The following SOX5 variants were observed in gnomAD, a reference collection of about 807,000 sequenced individuals.
The protein encoded by SOX5 is transcription factor SOX-5.
Under a neutral mutation model 92.0 loss-of-function variants are expected in SOX5, and 9 were observed. The ratio of observed to expected loss-of-function variants is 0.10; its 90% CI spans 0.06 to 0.17. SOX5 has a LOEUF of 0.17. SOX5 is among the 10% of genes least tolerant of loss of function. The pLI is 1.00. For missense variants in SOX5, 642 were observed against 944.5 expected (o/e 0.68, Z 4.20); for synonymous variants, 344 against 336.3 (o/e 1.02, Z -0.25).
chr12:24,318,534 A>AAGCC, intron 2 of SOX5, among the ~76,000 whole-genome samples: 1 of 152,156 alleles, frequency 6.6e-6, no homozygotes, highest in Non-Finnish European at 1.5e-5. Context: ...ACATGCTTTT[A>AAGCC]TCTTGTTTAA....
At chr12:24,417,704 G>A (rs1264342820) in intron 1 of SOX5, among the ~76,000 whole-genome samples, 1 of 152,196 alleles carries the variant, frequency 6.6e-6, no homozygotes, top group Non-Finnish European at 1.5e-5. Flanking sequence ...ATTGAGCTGG[G>A]TTTTTAGGAG....
chr12:23,883,494 C>T (rs193259765), intron 2 of SOX5, among the ~76,000 whole-genome samples: 70 of 152,264 alleles, frequency 4.6e-4, no homozygotes, highest in African/African-American at 1.6e-3. Flanking sequence ...ATTCAGTGCT[C>T]GCTATGTGCC....
chr12:24,285,550 C>T (rs140112397), intron 2 of SOX5, among the ~76,000 whole-genome samples: 5 of 152,334 alleles, frequency 3.3e-5, no homozygotes, highest in Admixed American at 6.5e-5. Flanking sequence ...GGAAATTCTA[C>T]ATCAGTGCCT....
chr12:24,141,882 G>A (rs1048539651), intron 4 of SOX5, among the ~76,000 whole-genome samples: 2 of 152,056 alleles, frequency 1.3e-5, no homozygotes, highest in Admixed American at 6.6e-5. Flanking sequence ...TGAATTAATC[G>A]CTGGCTGAAT....
At chr12:24,015,712 C>T (rs1953514609) in intron 4 of SOX5, among the ~76,000 whole-genome samples, 1 of 152,128 alleles carries the variant, frequency 6.6e-6, no homozygotes, top group South Asian at 2.1e-4. Context: ...AGCATTATTA[C>T]TGTTCTTAAT....
At chr12:23,842,089 G>A (rs1239443332) in intron 3 of SOX5, among the ~76,000 whole-genome samples, 2 of 152,118 alleles carry the variant, frequency 1.3e-5, no homozygotes, top group Non-Finnish European at 2.9e-5. Flanking sequence ...GGAAAAGTAA[G>A]TTAGTAAGTT....
chr12:24,418,994 T>G (rs1178579656), intron 1 of SOX5, among the ~76,000 whole-genome samples: 1 of 152,182 alleles, frequency 6.6e-6, no homozygotes, highest in African/African-American at 2.4e-5. Flanking sequence ...CAGAAATTTC[T>G]GTCAAAAGAG....
At chr12:24,451,799 C>T (rs1337615411) in intron 1 of SOX5, among the ~76,000 whole-genome samples, 2 of 152,142 alleles carry the variant, frequency 1.3e-5, no homozygotes, top group African/African-American at 4.8e-5. Context: ...ATGACTACTG[C>T]ATAGGGTTAG....
At chr12:23,562,865 G>C (rs780830232) in intron 11 of SOX5, among the ~76,000 whole-genome samples, 1 of 152,200 alleles carries the variant, frequency 6.6e-6, no homozygotes, top group Non-Finnish European at 1.5e-5. Context: ...TAGAATATGA[G>C]CATGGATATC....
At chr12:23,855,785 A>G (rs2096680875) in intron 2 of SOX5, among the ~76,000 whole-genome samples, 1 of 152,130 alleles carries the variant, frequency 6.6e-6, no homozygotes. Context: ...TTTCTCTGAG[A>G]ATTATAAAAG....
chr12:24,203,842 C>T (rs1957764535), intron 4 of SOX5, among the ~76,000 whole-genome samples: 1 of 152,200 alleles, frequency 6.6e-6, no homozygotes. Context: ...CCACTTCCTT[C>T]ATCTGTAATT....
intron 4 of SOX5, among the ~76,000 whole-genome samples, chr12:24,165,093 A>G (rs1359411924): frequency 6.6e-6 from 1 of 152,110 alleles, no homozygotes; most frequent in Non-Finnish European, 1.5e-5. Flanking sequence ...AGTAACATTC[A>G]CATTTTCAAA....
chr12:24,200,296 G>A (rs1957391873), intron 4 of SOX5, among the ~76,000 whole-genome samples: 1 of 152,132 alleles, frequency 6.6e-6, no homozygotes, highest in African/African-American at 2.4e-5. Flanking sequence ...ACTTAGATAA[G>A]GTTAGCCAGC....
At chr12:23,863,456 A>C (rs1348636520) in intron 2 of SOX5, among the ~76,000 whole-genome samples, 1 of 152,168 alleles carries the variant, frequency 6.6e-6, no homozygotes, top group African/African-American at 2.4e-5. Context: ...CTTCAAGTTA[A>C]ATAACAAACA....
intron 1 of SOX5, among the ~76,000 whole-genome samples, chr12:24,375,488 A>G (rs1957167827): frequency 4.6e-5 from 7 of 151,804 alleles, no homozygotes; most frequent in Admixed American, 1.3e-4. Context: ...TAATCTTAGC[A>G]CTTTGGGAGA....
intron 7 of SOX5, among the ~76,000 whole-genome samples, chr12:23,643,798 A>C (rs1371469932): frequency 6.6e-6 from 1 of 152,190 alleles, no homozygotes; most frequent in Non-Finnish European, 1.5e-5. Flanking sequence ...AGAAGGCCTA[A>C]TCAGAAAGAG....
chr12:24,440,377 C>A (rs1197057832), intron 1 of SOX5, among the ~76,000 whole-genome samples: 1 of 152,134 alleles, frequency 6.6e-6, no homozygotes, highest in Non-Finnish European at 1.5e-5. Context: ...TGACTCCCTT[C>A]CACAGGATCC....
intron 4 of SOX5, among the ~76,000 whole-genome samples, chr12:24,096,017 C>A (rs760879835): frequency 6.6e-5 from 10 of 152,148 alleles, no homozygotes; most frequent in Admixed American, 1.3e-4. Flanking sequence ...CTTACCCTAA[C>A]GGTCATTCTT....
chr12:23,627,390 A>T (rs1262918589), intron 8 of SOX5, among the ~76,000 whole-genome samples: 1 of 152,140 alleles, frequency 6.6e-6, no homozygotes, highest in East Asian at 1.9e-4. Context: ...TTCAACCGAA[A>T]CTTGAATTAA....
Sources: allele counts gnomAD v4.1 joint callset (sites outside exome capture counted in the v4.1 genomes callset), GRCh38; gene constraint gnomAD v4.1.1; transcripts MANE v1.5; gene names NCBI Gene and HGNC (gene_info 2026-07-23, HGNC 2026-07-21).